KDM5B: variants seen among roughly 807,000 people sequenced by gnomAD.
KDM5B encodes the protein lysine demethylase 5B.
In KDM5B, 144 loss-of-function variants were observed where a neutral mutation model predicts 193.4. The ratio of observed to expected loss-of-function variants is 0.74; its 90% confidence interval spans 0.65 to 0.86. The LOEUF (loss-of-function observed/expected upper bound fraction) is 0.86, where lower values mean the gene tolerates loss of function less well. Among genes scored for constraint, KDM5B ranks in the 40% least tolerant of loss-of-function variants. The probability of loss-of-function intolerance (pLI) is 0.00; values close to 1 mark genes in which losing one functional copy is unlikely to be tolerated. For synonymous variants in KDM5B, 668 were observed against 682.6 expected, an observed-to-expected ratio of 0.98 and a Z score of 0.33; for missense variants, 1,833 against 1,886.9, an observed-to-expected ratio of 0.97 and a Z score of 0.53.
rs1654721235 is a variant in KDM5B, at chr1:202,727,651, A to C, written c.*1385T>G. On this transcript the variant is annotated 3_prime_UTR_variant, in exon 27 of 27. Transcript: ENST00000367265. ...CAGAACAGACCCCTTTAAAAAAGAAAAGCAAGGAAAATAGCTATGGGCTAT... is the reference window on the plus strand; with the variant it reads ...CAGAACAGACCCCTTTAAAAAAGAACAGCAAGGAAAATAGCTATGGGCTAT... 1.3e-5 allele frequency: 2 copies of C among 152,756 alleles called. No individual in the cohort carries two copies. Among genetic ancestry groups the C allele is most frequent in the South Asian group, 2.1e-4 (1 of 4,826 alleles). The allele number at this position is 152,756 out of a possible 1,614,324, so 9.5% of individuals were successfully genotyped here. A position where few individuals can be genotyped will look rare whatever the true frequency, so the allele number is the denominator to read the frequency against.
At chr1:202,784,662 A>G (rs941938077) in intron 1 of KDM5B, among the ~76,000 whole-genome samples, 1 of 152,242 alleles carries the variant, frequency 6.6e-6, no homozygotes, top group South Asian at 2.1e-4. Context: ...TTAACTATTT[A>G]TGAGCCCCTG....
Position 202,726,717 on chromosome 1 carries a change from A to G in KDM5B, c.*2319T>C, listed in dbSNP as rs1267996644. On this transcript the variant is annotated 3_prime_UTR_variant, in exon 27 of 27. Coordinates refer to ENST00000367265, the MANE Select transcript of KDM5B (RefSeq NM_006618.5). ...CTTCACAGCTAACACACAATGAAACATGGTTTTTAGATCACATCAGTCTGT... is the reference window on the plus strand; with the variant it reads ...CTTCACAGCTAACACACAATGAAACGTGGTTTTTAGATCACATCAGTCTGT... 5.9e-5 allele frequency: 9 copies of G among 152,252 alleles called. No individual in the cohort carries two copies. Among genetic ancestry groups the G allele is most frequent in the African/African-American group, 2.2e-4 (9 of 41,468 alleles). 9.4% of individuals were successfully genotyped at this position (152,252 alleles called of 1,614,324 possible). A position where few individuals can be genotyped will look rare whatever the true frequency, so the allele number is the denominator to read the frequency against.
At chr1:202,799,050 T>C (rs1052573013) in intron 1 of KDM5B, among the ~76,000 whole-genome samples, 1 of 152,000 alleles carries the variant, frequency 6.6e-6, no homozygotes, top group African/African-American at 2.4e-5. Flanking sequence ...CTTCACTATA[T>C]GGGAAAATGA....
chr1:202,770,502 GT>G (rs1656668733), intron 4 of KDM5B, among the ~76,000 whole-genome samples: 2 of 152,078 alleles, frequency 1.3e-5, no homozygotes, highest in South Asian at 4.1e-4. Context: ...AGAAATAGGT[GT>G]AAAAATTTAC....
intron 14 of KDM5B, 82 bp from the exon 15 acceptor site, chr1:202,746,405 G>T: frequency 7.0e-5 from 46 of 660,612 alleles, no homozygotes; most frequent in Non-Finnish European, 9.7e-5. Context: ...TAGTACTTGA[G>T]TCTGAAAAAA....
Position 202,735,736 on chromosome 1 carries a change from T to G in KDM5B, c.3265-149A>C, listed in dbSNP as rs1237003372. The stretch of plus-strand genomic sequence containing the variant: ...TTTGGAACATGCAACCCTGAGGCTC[T>G]CCTTTACAAAAGGAGGAGGAAGACT... On this transcript the variant is annotated intron_variant, in intron 21 of 26. Transcript: ENST00000367265. 1.7e-5 allele frequency: 11 copies of G among 646,582 alleles called. No homozygotes were observed. The East Asian group carries it at 2.7e-4, about 16-fold the overall frequency. The allele number at this position is 646,582 out of a possible 1,614,324, so 40.1% of individuals were successfully genotyped here.
chr1:202,771,463 A>AG (rs1162825870), intron 4 of KDM5B, among the ~76,000 whole-genome samples: 1 of 148,288 alleles, frequency 6.7e-6, no homozygotes, highest in Non-Finnish European at 1.5e-5. Flanking sequence ...CAGATCTCGA[A>AG]CTCCTGACCT....
Position 202,752,997 on chromosome 1 carries a change from GTTTCTTCATTACA to G in KDM5B, c.1596_1608del (p.Val533Ter). On this transcript the variant is annotated frameshift_variant, in exon 12 of 27. Transcript: ENST00000367265. LOFTEE classifies it high-confidence loss of function. ...TGGGACACAAAGAGTTCTGGAGCTAGTTTCTTCATTACATTTTCTAGCTGCTCAGCAGCATACC... is the reference window on the plus strand; with the variant it reads ...TGGGACACAAAGAGTTCTGGAGCTAGTTTTCTAGCTGCTCAGCAGCATACC... 6.2e-7 allele frequency: 1 copy of G among 1,614,102 alleles called. No individual in the cohort carries two copies. The highest frequency in any genetic ancestry group is 8.5e-7 in the Non-Finnish European group (1 of 1,179,978).
At chr1:202,764,025 C>T in intron 6 of KDM5B, 24 bp downstream of exon 6, 4 of 1,188,914 alleles carry the variant, frequency 3.4e-6, no homozygotes, top group East Asian at 2.4e-5. Flanking sequence ...TTTTTCTTTC[C>T]TATTCATTGA....
intron 23 of KDM5B, 81 bp from the exon 24 acceptor site, chr1:202,732,020 T>C (rs558748657): frequency 3.5e-6 from 3 of 851,422 alleles, no homozygotes; most frequent in South Asian, 1.6e-5. Context: ...GTAGCTTGCA[T>C]TACCCAGGCA....
intron 1 of KDM5B, among the ~76,000 whole-genome samples, chr1:202,786,408 C>CA (rs1200310996): frequency 6.6e-6 from 1 of 150,838 alleles, no homozygotes; most frequent in African/African-American, 2.4e-5. Flanking sequence ...TAAAGGCAGA[C>CA]AACACACTGA....
Position 202,774,709 on chromosome 1 carries a change from GAA to G in KDM5B, c.307_308del (p.Phe103LeufsTer31). 1 of 1,613,356 alleles carries G rather than the reference GAA, an allele frequency of 6.2e-7. No homozygotes were observed. The highest frequency in any genetic ancestry group is 8.5e-7 in the Non-Finnish European group (1 of 1,179,528). On this transcript the variant is annotated frameshift_variant, in exon 3 of 27. Coordinates refer to ENST00000367265, the MANE Select transcript of KDM5B (RefSeq NM_006618.5). LOFTEE classifies it high-confidence loss of function. Reference sequence around the variant, plus strand: ...CCCAGTACTTTGCAATCTGGTCCAAGAAATTCAATTTTACACGAGTTTGGGCC... The same window carrying G: ...CCCAGTACTTTGCAATCTGGTCCAAGATTCAATTTTACACGAGTTTGGGCC... ...LEAQTRVKLN[F>X]LDQIAKYWEL... is the part of the protein sequence containing the mutation.
At chr1:202,738,450 A>C (rs1277051247) in intron 20 of KDM5B, among the ~76,000 whole-genome samples, 1 of 152,322 alleles carries the variant, frequency 6.6e-6, no homozygotes, top group East Asian at 1.9e-4. Context: ...CATAGTAAAT[A>C]CTTTTGTTTT....
Position 202,731,833 on chromosome 1 carries a change from A to C in KDM5B, c.4016T>G (p.Leu1339Arg). The C allele has an allele frequency of 1.2e-6, 2 of 1,601,750 alleles. No homozygotes were observed. Among genetic ancestry groups the C allele is most frequent in the Non-Finnish European group, 1.7e-6 (2 of 1,168,790 alleles). The change falls in exon 24 of 27, where the codon CTC becomes CGC. Residue 1339 changes from leucine (L) to arginine (R), a missense_variant. Transcript: ENST00000367265. Reference protein sequence around the residue: ...PFSTGRSCIPLHGVSPEVNEL... With the variant: ...PFSTGRSCIPRHGVSPEVNEL... ...CGTAATAACAAAATACAAACCATGG[A>C]GGGGGATACAACTTCGTCCAGTTGA...
At chr1:202,735,687 C>T (rs1417975451) in intron 21 of KDM5B, 100 bp from the exon 22 acceptor site, 8 of 1,100,690 alleles carry the variant, frequency 7.3e-6, no homozygotes, top group Non-Finnish European at 8.0e-6. Context: ...AAAGGATGTG[C>T]ATTTCTTAGT....
intron 16 of KDM5B, among the ~76,000 whole-genome samples, chr1:202,744,506 C>A (rs1006419469): frequency 6.6e-6 from 1 of 151,936 alleles, no homozygotes; most frequent in Admixed American, 6.6e-5. Flanking sequence ...TGCAGTGAGC[C>A]GAGATCGCAC....
At chr1:202,806,633 T>C (rs1177422836) in intron 1 of KDM5B, 1 of 152,136 alleles carries the variant, frequency 6.6e-6, no homozygotes, top group African/African-American at 2.4e-5. Context: ...AAAACTAAAG[T>C]AGGTGTCCGT....
At chr1:202,737,663 A>C (rs990255594) in intron 20 of KDM5B, among the ~76,000 whole-genome samples, 1 of 152,236 alleles carries the variant, frequency 6.6e-6, no homozygotes, top group African/African-American at 2.4e-5. Context: ...AATTTATAGG[A>C]AATACAGAGA....
chr1:202,749,074 G>T lies in KDM5B; in HGVS notation c.1887C>A (p.His629Gln). 1 of 1,613,874 alleles carries T rather than the reference G, an allele frequency of 6.2e-7. No individual in the cohort carries two copies. The highest frequency in any genetic ancestry group is 8.5e-7 in the Non-Finnish European group (1 of 1,179,958). ...AAGCCATCTTGCAGATCATCTCATCGTGGGAAAACACACAATATCGATGAA... is the reference window on the plus strand; with the variant it reads ...AAGCCATCTTGCAGATCATCTCATCTTGGGAAAACACACAATATCGATGAA... ...RLLHRYCVFS[H>Q]DEMICKMASK... is the part of the protein sequence containing the mutation. The change falls in exon 14 of 27, where the codon CAC (histidine) becomes CAA (glutamine). Residue 629 changes from histidine to glutamine, a missense_variant. Coordinates refer to ENST00000367265, the MANE Select transcript of KDM5B (RefSeq NM_006618.5).
Sources: gnomAD v4.1 joint callset for allele counts (sites outside exome capture counted in the v4.1 genomes callset) on GRCh38, gnomAD v4.1.1 for gene constraint, MANE v1.5 for transcripts, NCBI Gene and HGNC (gene_info 2026-07-23, HGNC 2026-07-21) for gene names.